CELSR1: variants seen among roughly 807,000 people sequenced by gnomAD.
CELSR1 encodes the protein cadherin EGF LAG seven-pass G-type receptor 1.
CELSR1 carries 110 observed loss-of-function variants against 249.1 expected under a neutral mutation model. The ratio of observed to expected loss-of-function variants is 0.44; its 90% confidence interval spans 0.38 to 0.52. CELSR1 has a LOEUF of 0.52. CELSR1 is among the 20% of genes least tolerant of loss of function. The pLI, the probability that CELSR1 is intolerant of heterozygous loss-of-function variation, is 0.00. For missense variants in CELSR1, 4,109 were observed against 4,296.4 expected (o/e 0.96, Z 1.22); for synonymous variants, 2,113 against 1,900.0 (o/e 1.11, Z -2.92).
At chr22:46,524,345 C>A (rs2080716111) in intron 1 of CELSR1, among the ~76,000 whole-genome samples, 1 of 152,234 alleles carries the variant, frequency 6.6e-6, no homozygotes, top group African/African-American at 2.4e-5. Flanking sequence ...CATGATTCCC[C>A]TCTTACAGGC....
At chr22:46,493,560 A>G (rs1033056536) in intron 1 of CELSR1, among the ~76,000 whole-genome samples, 4 of 152,122 alleles carry the variant, frequency 2.6e-5, no homozygotes, top group African/African-American at 9.7e-5. Flanking sequence ...AAAAAAAAAA[A>G]AAGATTAAAA....
At chr22:46,431,601 T>G (rs2079596363) in intron 5 of CELSR1, among the ~76,000 whole-genome samples, 1 of 152,172 alleles carries the variant, frequency 6.6e-6, no homozygotes. Flanking sequence ...TGAGCTCTGG[T>G]GTCCAGCCCC....
rs1413138582 is a variant in CELSR1 at position 46,434,298 on chromosome 22, T to C, written c.4523-817A>G. 3.9e-5 allele frequency among the ~76,000 whole-genome samples: 6 copies of C among 152,210 alleles called. No individual in the cohort carries two copies. In the East Asian group the frequency reaches 7.7e-4, roughly 20 times the overall value. ...TGCTGGAGTGGGGCGGGCGAGTCCCTTTGGGGATTCTGGGGCACAACCCTG... is the reference window on the plus strand; with the variant it reads ...TGCTGGAGTGGGGCGGGCGAGTCCCCTTGGGGATTCTGGGGCACAACCCTG... On this transcript the variant is annotated intron_variant, in intron 4 of 34. Coordinates refer to ENST00000674500, the MANE Select transcript of CELSR1 (RefSeq NM_001378328.1). The surrounding 1 kb of genome is among the most constrained non-coding windows in gnomAD (Gnocchi z 4.9).
chr22:46,481,337 T>C, intron 1 of CELSR1: 2 of 685,756 alleles, frequency 2.9e-6, no homozygotes, highest in Non-Finnish European at 2.6e-6. Flanking sequence ...TATTTCCCAA[T>C]GGATGAGAGA....
In CELSR1 at chr22:46,517,520, C is replaced by T. The variant is rs1019372115; in HGVS notation, c.3544+16107G>A. Among the ~76,000 whole-genome samples, 6 of 152,172 alleles carry T rather than the reference C, an allele frequency of 3.9e-5. No homozygotes were observed. Among genetic ancestry groups the T allele is most frequent in the Non-Finnish European group, 7.4e-5 (5 of 68,022 alleles). On this transcript the variant is annotated intron_variant, in intron 1 of 34. Transcript: ENST00000674500. The surrounding 1 kb of genome is among the most constrained non-coding windows in gnomAD (Gnocchi z 5.4). ...TGTGCACTGTCCCGGCGCCCCAGGCCGGCTCTTGTCTTGGTACCTCTGTCC... is the reference window on the plus strand; with the variant it reads ...TGTGCACTGTCCCGGCGCCCCAGGCTGGCTCTTGTCTTGGTACCTCTGTCC...
chr22:46,479,124 T>G (rs2080240423), intron 1 of CELSR1, among the ~76,000 whole-genome samples: 1 of 151,706 alleles, frequency 6.6e-6, no homozygotes, highest in Non-Finnish European at 1.5e-5. Flanking sequence ...CATCTTCCTC[T>G]TCTCCTTGCC....
Position 46,401,209 on chromosome 22 carries a change from G to A in CELSR1, c.5227-1307C>T, listed in dbSNP as rs142809942. On this transcript the variant is annotated intron_variant, in intron 9 of 34. Coordinates refer to ENST00000674500, the MANE Select transcript of CELSR1 (RefSeq NM_001378328.1). The surrounding 1 kb of genome is among the most constrained non-coding windows in gnomAD (Gnocchi z 4.7). ...TTTAATCCTCTGTGTTTAATTACATGTATGAAAAAAACAAAAATCAGCATT... is the reference window on the plus strand; with the variant it reads ...TTTAATCCTCTGTGTTTAATTACATATATGAAAAAAACAAAAATCAGCATT... Among the ~76,000 whole-genome samples the A allele has an allele frequency of 1.0e-3, 155 of 152,150 alleles. No homozygotes were observed. Among genetic ancestry groups the A allele is most frequent in the South Asian group, 4.6e-3 (22 of 4,826 alleles).
chr22:46,401,896 G>T lies in CELSR1; in HGVS notation c.5227-1994C>A, dbSNP rs1024175359. On this transcript the variant is annotated intron_variant, in intron 9 of 34. Transcript: ENST00000674500. This position sits in a 1 kb window ranked among gnomAD's most constrained non-coding sequence, Gnocchi z 4.7. Reference sequence around the variant, plus strand: ...GAGGTCAGGAGTTTGAGACCAGCCTGACCAACAAGGTGAAACCCCATCTCT... The same window carrying T: ...GAGGTCAGGAGTTTGAGACCAGCCTTACCAACAAGGTGAAACCCCATCTCT... 6.6e-6 allele frequency among the ~76,000 whole-genome samples: 1 copy of T among 151,890 alleles called. No individual in the cohort carries two copies. The highest frequency in any genetic ancestry group is 2.4e-5 in the African/African-American group (1 of 41,176).
chr22:46,426,920 G>T (rs1602120261), intron 5 of CELSR1, among the ~76,000 whole-genome samples: 1 of 152,206 alleles, frequency 6.6e-6, no homozygotes, highest in Non-Finnish European at 1.5e-5. Context: ...TCTGTGGTTT[G>T]TAAGTACCCA....
intron 9 of CELSR1, among the ~76,000 whole-genome samples, chr22:46,405,805 C>T (rs983349808): frequency 1.2e-4 from 18 of 152,202 alleles, no homozygotes; most frequent in Non-Finnish European, 1.5e-5. Flanking sequence ...GACAGCCAAA[C>T]TGCTGCTTTA....
rs1555902888 is a variant in CELSR1, at chr22:46,364,204, C to T, written c.8827G>A (p.Glu2943Lys). The T allele has an allele frequency of 6.2e-7, 1 of 1,611,676 alleles. No individual in the cohort carries two copies. The highest frequency in any genetic ancestry group is 8.5e-7 in the Non-Finnish European group (1 of 1,179,772). Residue 2943 changes from glutamate (E) to lysine (K), a missense_variant, in exon 34 of 35, where the codon GAG becomes AAG. Physicochemically the swap from Glu to Lys is moderately conservative, Grantham distance 56. Around this residue, in one of 7 missense-constraint regions of CELSR1, gnomAD observed 1,805 missense variants for 1,831.6 expected, o/e 0.99. Coordinates refer to ENST00000674500, the MANE Select transcript of CELSR1 (RefSeq NM_001378328.1). ...CGGAGCCGGCCCTTCAGCGTCTGCT[C>T]CGTCAGCGTCAGCGGCGGCGGGTAG... is the stretch of plus-strand genomic sequence containing the variant. The part of the protein sequence containing the change: ...VTYPPPLTLT[E>K]QTLKGRLREK...
rs2080117135 is a variant in CELSR1, at chr22:46,468,137, C to T, written c.3545-3792G>A. ...GTGTGGTGGCTTACACCTGTAATCA[C>T]AGCACTTTGGGAGGCCGAGGTGGGT... On this transcript the variant is annotated intron_variant, in intron 1 of 34. Coordinates refer to ENST00000674500, the MANE Select transcript of CELSR1 (RefSeq NM_001378328.1). The surrounding 1 kb of genome is among the most constrained non-coding windows in gnomAD (Gnocchi z 4.5). 6.6e-6 allele frequency among the ~76,000 whole-genome samples: 1 copy of T among 151,810 alleles called. No individual in the cohort carries two copies. The highest frequency in any genetic ancestry group is 1.5e-5 in the Non-Finnish European group (1 of 68,012).
chr22:46,451,677 G>A (rs528470250), intron 2 of CELSR1, among the ~76,000 whole-genome samples: 3 of 152,268 alleles, frequency 2.0e-5, no homozygotes, highest in South Asian at 2.1e-4. Context: ...CCACAACACC[G>A]ACGATGGAGG....
intron 5 of CELSR1, among the ~76,000 whole-genome samples, chr22:46,424,744 G>A (rs1339695984): frequency 1.3e-5 from 2 of 152,224 alleles, no homozygotes; most frequent in East Asian, 1.9e-4. Flanking sequence ...AGCACGAGAT[G>A]GGTGGATTAC....
rs1375665709 is a variant in CELSR1, at chr22:46,534,127, C to A, written c.3044G>T (p.Gly1015Val). 4 of 1,613,696 alleles carry A rather than the reference C, an allele frequency of 2.5e-6. No homozygotes were observed. Among genetic ancestry groups the A allele is most frequent in the South Asian group, 2.2e-5 (2 of 91,092 alleles). ...ELFVEENNPVGSVVAKIRAND... is the reference protein window; with the variant it reads ...ELFVEENNPVVSVVAKIRAND... ...AGCACGAATCTTTGCCACCACCGAC[C>A]CCACTGGGTTGTTCTCCTCAACAAA... Residue 1015 changes from glycine to valine, a missense_variant, in exon 1 of 35, where the codon GGG (glycine) becomes GTG (valine). By Grantham distance (109) the Gly-to-Val change is moderately radical. Transcript: ENST00000674500. This position sits in a 1 kb window ranked among gnomAD's most constrained non-coding sequence, Gnocchi z 9.7.
intron 22 of CELSR1, among the ~76,000 whole-genome samples, chr22:46,379,085 C>T (rs908210955): frequency 6.6e-6 from 1 of 152,238 alleles, no homozygotes; most frequent in Non-Finnish European, 1.5e-5. Flanking sequence ...TGTCTCGCGT[C>T]CGCCCCGCTG....
rs557831882 is a variant in CELSR1 at position 46,478,373 on chromosome 22, C to T, written c.3545-14028G>A. On this transcript the variant is annotated intron_variant, in intron 1 of 34. Coordinates refer to ENST00000674500, the MANE Select transcript of CELSR1 (RefSeq NM_001378328.1). ...CAAATTCCCCAAGGCAAAGATTAAA[C>T]GACAAAACAAATTTCAAAGAACAAG... Among the ~76,000 whole-genome samples, 11 of 152,266 alleles carry T rather than the reference C, an allele frequency of 7.2e-5. No individual in the cohort carries two copies. In the East Asian group the frequency reaches 1.3e-3, roughly 19 times the overall value.
chr22:46,410,363 T>C lies in CELSR1; in HGVS notation c.4933+35A>G, dbSNP rs1232054184. 2 of 1,601,044 alleles carry C rather than the reference T, an allele frequency of 1.2e-6. No individual in the cohort carries two copies. Among genetic ancestry groups the C allele is most frequent in the South Asian group, 1.1e-5 (1 of 90,828 alleles). On this transcript the variant is annotated intron_variant, in intron 7 of 34. Coordinates refer to ENST00000674500, the MANE Select transcript of CELSR1 (RefSeq NM_001378328.1). This position sits in a 1 kb window ranked among gnomAD's most constrained non-coding sequence, Gnocchi z 6.8. ...CTGCCGACGTCCAGCCAGATGCCAC[T>C]GCGGCAGCTCCGACGCCCTGACGGC...
Position 46,363,455 on chromosome 22 carries a change from T to A in CELSR1, c.9036-208A>T. 1 of 531,946 alleles carries A rather than the reference T, an allele frequency of 1.9e-6. No individual in the cohort carries two copies. Among genetic ancestry groups the A allele is most frequent in the South Asian group, 2.3e-5 (1 of 44,334 alleles). 33.0% of individuals were successfully genotyped at this position (531,946 alleles called of 1,614,324 possible). A position where few individuals can be genotyped will look rare whatever the true frequency, so the allele number is the denominator to read the frequency against. On this transcript the variant is annotated intron_variant, in intron 34 of 34. Transcript: ENST00000674500. The surrounding 1 kb of genome is among the most constrained non-coding windows in gnomAD (Gnocchi z 4.3). ...CAGGACCAGCCTGTGGGCCTCTGTG[T>A]TGCTGGTCTTTCAGAAGAGCGCAAG...
Sources: allele counts gnomAD v4.1 joint callset (sites outside exome capture counted in the v4.1 genomes callset), GRCh38; gene constraint gnomAD v4.1.1; regional missense constraint gnomAD v4.1.1; non-coding constraint Gnocchi (gnomAD v3.1); transcripts MANE v1.5; gene names NCBI Gene and HGNC (gene_info 2026-07-23, HGNC 2026-07-21).